Variants in SLC25A48 observed in about 807,000 individuals in gnomAD.
SLC25A48 encodes CTC-321K16.1.
A neutral mutation model predicts 32.2 loss-of-function variants in SLC25A48; 29 were observed. The observed-to-expected ratio is 0.90, with a 90% CI of 0.67 to 1.23. The LOEUF (loss-of-function observed/expected upper bound fraction) is 1.23, where lower values mean the gene tolerates loss of function less well. Ranked by LOEUF, SLC25A48 falls within the 50% of genes most tolerant of loss-of-function variation. The pLI, the probability that SLC25A48 is intolerant of heterozygous loss-of-function variation, is 0.00. For synonymous variants in SLC25A48, 164 were observed against 172.3 expected, an observed-to-expected ratio of 0.95 and a Z score of 0.38; for missense variants, 399 against 422.7, an observed-to-expected ratio of 0.94 and a Z score of 0.49.
intron 1 of SLC25A48, chr5:135,835,121 A>G (rs1453439339): frequency 4.2e-6 from 3 of 706,562 alleles, no homozygotes; most frequent in Non-Finnish European, 7.8e-6. Context: ...TGATTTGCTC[A>G]TTAAGTTAGG....
At chr5:135,607,082 A>G (rs889207497) in intron 1 of SLC25A48, among the ~76,000 whole-genome samples, 19 of 152,236 alleles carry the variant, frequency 1.2e-4, no homozygotes, top group Admixed American at 5.2e-4. Flanking sequence ...CTGAGTTAAC[A>G]TATTTCCTCC....
At position 135,596,709 on chromosome 5, in the gene SLC25A48, A is replaced by G. The variant is rs142174080; in HGVS notation, c.-849+17112A>G. ...CCATTCTTGAATTTGGACAAGGGGA[A>G]TTTTCTTATCCTGTGTAAACTGCTA... On this transcript the variant is annotated intron_variant, in intron 1 of 10. Coordinates refer to the SLC25A48 transcript ENST00000646290. Among the ~76,000 whole-genome samples the G allele has an allele frequency of 1.6e-3, 250 of 152,172 alleles. 4 individuals carry two copies. In the East Asian group the frequency reaches 0.035, roughly 21 times the overall value.
chr5:135,775,031 C>T (rs115231203), intron 3 of SLC25A48, among the ~76,000 whole-genome samples: 4,997 of 151,618 alleles, frequency 0.033, 253 homozygotes, highest in African/African-American at 0.11. Flanking sequence ...CTGTCTGTAT[C>T]CCAAAGGATG....
At chr5:135,826,837 C>T (rs2126666862) in intron 4 of SLC25A48, 2 of 152,390 alleles carry the variant, frequency 1.3e-5, no homozygotes, top group Middle Eastern at 6.8e-3. Context: ...CTCCTCACTA[C>T]ATTCTTCCTC....
In SLC25A48 at chr5:135,625,824, G is replaced by GGA. The variant is rs201919993; in HGVS notation, c.-848-3410_-848-3409dup. Reference sequence around the variant, plus strand: ...TGCTGGCTATGACAACAACCAGGAAGGAGACCCTCAGAGTCCCACTGGGTC... The same window carrying GGA: ...TGCTGGCTATGACAACAACCAGGAAGGAGAGACCCTCAGAGTCCCACTGGGTC... On this transcript the variant is annotated intron_variant, in intron 1 of 10. Transcript: ENST00000646290. Among the ~76,000 whole-genome samples the GGA allele has an allele frequency of 9.2e-3, 1,406 of 152,298 alleles. 24 individuals are homozygous for GGA. The highest frequency in any genetic ancestry group is 0.032 in the African/African-American group (1,334 of 41,554).
chr5:135,734,834 AAAGAAG>A (rs35822813), intron 3 of SLC25A48, among the ~76,000 whole-genome samples: 11 of 140,902 alleles, frequency 7.8e-5, no homozygotes, highest in African/African-American at 2.4e-4. Context: ...AAAAAAAAAA[AAAGAAG>A]AAGAAGAAGG....
intron 3 of SLC25A48, among the ~76,000 whole-genome samples, chr5:135,704,130 T>G (rs1754455104): frequency 6.6e-6 from 1 of 152,238 alleles, no homozygotes; most frequent in African/African-American, 2.4e-5. Flanking sequence ...GTTCACACAC[T>G]GTTCTGGGCG....
At chr5:135,864,482 G>A (rs1480978199) in intron 4 of SLC25A48, among the ~76,000 whole-genome samples, 2 of 152,176 alleles carry the variant, frequency 1.3e-5, no homozygotes, top group African/African-American at 4.8e-5. Flanking sequence ...TAGAAAGGCA[G>A]GAACCCTTGG....
intron 3 of SLC25A48, among the ~76,000 whole-genome samples, chr5:135,763,764 T>TACACACACACACACACACAC (rs56030521): frequency 9.6e-5 from 12 of 125,638 alleles, no homozygotes; most frequent in African/African-American, 3.0e-4. Context: ...AACACACACA[T>TACACACACACACACACACAC]ACACACACAC....
In SLC25A48 at chr5:135,708,222, C is replaced by A. The variant is rs542966002; in HGVS notation, c.-521+73266C>A. Among the ~76,000 whole-genome samples, 7 of 152,312 alleles carry A rather than the reference C, an allele frequency of 4.6e-5. No individual in the cohort carries two copies. In the South Asian group the frequency reaches 1.4e-3, roughly 32 times the overall value. On this transcript the variant is annotated intron_variant, in intron 3 of 10. Coordinates refer to the SLC25A48 transcript ENST00000646290. ...CAAAAATAGAATAGCATAAACCACA[C>A]CTATGTACCCATCACTCAGCTTCAA... is the stretch of plus-strand genomic sequence containing the variant.
At chr5:135,616,911 G>A (rs969521731) in intron 1 of SLC25A48, among the ~76,000 whole-genome samples, 3 of 152,118 alleles carry the variant, frequency 2.0e-5, no homozygotes, top group Admixed American at 6.5e-5. Context: ...GATATGACCT[G>A]TAGTTTACTT....
intron 3 of SLC25A48, among the ~76,000 whole-genome samples, chr5:135,749,221 AC>A (rs148571269): frequency 0.016 from 2,366 of 151,326 alleles, 47 homozygotes; most frequent in African/African-American, 0.044. Context: ...TGTTTTTTGT[AC>A]CTTTCCCTTG....
intron 3 of SLC25A48, among the ~76,000 whole-genome samples, chr5:135,770,961 C>G (rs903934829): frequency 2.0e-5 from 3 of 151,988 alleles, no homozygotes; most frequent in African/African-American, 7.2e-5. Flanking sequence ...GTTCAACCCC[C>G]TGTTATATTG....
intron 4 of SLC25A48, among the ~76,000 whole-genome samples, chr5:135,862,476 C>A (rs935122210): frequency 5.3e-5 from 8 of 152,208 alleles, no homozygotes; most frequent in African/African-American, 1.9e-4. Flanking sequence ...CATTCACAAG[C>A]ATTTCCTGAG....
intron 4 of SLC25A48, among the ~76,000 whole-genome samples, chr5:135,818,054 C>CCTCTCTCTCTCTCT (rs58632457): frequency 2.5e-5 from 2 of 80,668 alleles, no homozygotes; most frequent in African/African-American, 1.0e-4. Context: ...TCTCTCTGTT[C>CCTCTCTCTCTCTCT]CTCTCTCTCT....
intron 3 of SLC25A48, among the ~76,000 whole-genome samples, chr5:135,677,142 C>T (rs77481664): frequency 1.1e-4 from 17 of 151,952 alleles, no homozygotes; most frequent in South Asian, 2.1e-4. Context: ...GCTCTAGTGT[C>T]GGGTACATAA....
chr5:135,788,317 G>A (rs1245576301), intron 3 of SLC25A48, among the ~76,000 whole-genome samples: 3 of 150,418 alleles, frequency 2.0e-5, no homozygotes, highest in Non-Finnish European at 4.4e-5. Context: ...TAATATCCGG[G>A]GGGAGAGAGG....
chr5:135,595,670 A>G (rs1229335247), intron 1 of SLC25A48, among the ~76,000 whole-genome samples: 3 of 152,226 alleles, frequency 2.0e-5, no homozygotes, highest in African/African-American at 7.2e-5. Flanking sequence ...TCTGTTTCTT[A>G]GATGTGTGAC....
chr5:135,685,378 CAA>C (rs1381267477), intron 3 of SLC25A48, among the ~76,000 whole-genome samples: 1 of 149,282 alleles, frequency 6.7e-6, no homozygotes, highest in Non-Finnish European at 1.5e-5. Flanking sequence ...TAGAAATTGA[CAA>C]GTTAGCTCTT....
Sources: allele counts gnomAD v4.1 joint callset (sites outside exome capture counted in the v4.1 genomes callset), GRCh38; gene constraint gnomAD v4.1.1; transcripts MANE v1.5; gene names NCBI Gene and HGNC (gene_info 2026-07-23, HGNC 2026-07-21).